The following TAOK1 variants were observed in gnomAD, a reference collection of about 807,000 sequenced individuals.
The protein encoded by TAOK1 is serine/threonine-protein kinase TAO1.
Under a neutral mutation model 138.3 loss-of-function variants are expected in TAOK1, and 21 were observed. The observed-to-expected ratio is 0.15, with a 90% CI of 0.11 to 0.22. The LOEUF is 0.22. Among genes scored for constraint, TAOK1 ranks in the 10% least tolerant of loss-of-function variants. The pLI is 1.00. For synonymous variants in TAOK1, 361 were observed against 398.4 expected (o/e 0.91, Z 1.12); for missense variants, 651 against 1,227.7 (o/e 0.53, Z 7.02).
chr17:29,401,067 A>G (rs1205409738), intron 1 of TAOK1, among the ~76,000 whole-genome samples: 1 of 151,420 alleles, frequency 6.6e-6, no homozygotes, highest in South Asian at 2.1e-4. Context: ...GCACCACCAC[A>G]CCCGGCTAAT....
At chr17:29,452,133 C>G (rs904086843) in intron 2 of TAOK1, among the ~76,000 whole-genome samples, 1 of 152,006 alleles carries the variant, frequency 6.6e-6, no homozygotes, top group African/African-American at 2.4e-5. Context: ...AGAGAATCAC[C>G]TGAGCCCAAG....
chr17:29,489,640 A>G (rs2031254450), intron 8 of TAOK1, 24 bp from the exon 9 acceptor site: 1 of 1,553,496 alleles, frequency 6.4e-7, no homozygotes, highest in Non-Finnish European at 8.8e-7. Context: ...CTATTTTAAC[A>G]GGAATGTTTC....
intron 8 of TAOK1, 103 bp from the exon 9 acceptor site, chr17:29,489,551 AGTTTAAGATT>A (rs1276336786): frequency 1.3e-5 from 9 of 674,704 alleles, no homozygotes; most frequent in Non-Finnish European, 1.9e-5. Context: ...TTTTTGTGTA[AGTTTAAGATT>A]GTTTCAAAAT....
chr17:29,494,057 C>T (rs554816880), intron 10 of TAOK1, among the ~76,000 whole-genome samples: 35 of 152,168 alleles, frequency 2.3e-4, no homozygotes, highest in African/African-American at 7.2e-4. Flanking sequence ...GCTGGGATTA[C>T]AGGCCTATGC....
chr17:29,396,846 G>C (rs1904618485), intron 1 of TAOK1, among the ~76,000 whole-genome samples: 2 of 151,882 alleles, frequency 1.3e-5, no homozygotes, highest in Admixed American at 1.3e-4. Context: ...CAAAAAATTA[G>C]CTGGGCGTGG....
At position 29,522,480 on chromosome 17, in the gene TAOK1, G is replaced by A. The variant is rs746040999; in HGVS notation, c.2109G>A (p.Lys703=). Residue 703 remains lysine, a synonymous_variant, in exon 17 of 20, where the codon AAG becomes AAA. Transcript: ENST00000261716. ...NKRRERELRR[K]HVMEVRQQPK... ...GAAGAGAACGAGAACTAAGACGAAA[G>A]CATGTCATGGAAGTTCGACAACAGC... 3.1e-6 allele frequency: 5 copies of A among 1,614,178 alleles called. No homozygotes were observed. The South Asian group carries it at 5.5e-5, about 18-fold the overall frequency.
intron 19 of TAOK1, among the ~76,000 whole-genome samples, chr17:29,537,421 C>T (rs1371705472): frequency 6.6e-6 from 1 of 151,966 alleles, no homozygotes; most frequent in Admixed American, 6.6e-5. Flanking sequence ...ACAATCTCAG[C>T]TCACTGCGTT....
rs964579161 is a variant in TAOK1, at chr17:29,549,453, A to G, written c.*6431A>G. The G allele has an allele frequency of 1.3e-5, 2 of 152,160 alleles. No individual in the cohort carries two copies. The highest frequency in any genetic ancestry group is 4.8e-5 in the African/African-American group (2 of 41,448). 9.4% of individuals were successfully genotyped at this position (152,160 alleles called of 1,614,324 possible). Reference sequence around the variant, plus strand: ...TTTGCATGGCTTGGCTTAGTATCCAAGGTATATTAGGGCCACTTGAAAGCA... The same window carrying G: ...TTTGCATGGCTTGGCTTAGTATCCAGGGTATATTAGGGCCACTTGAAAGCA... On this transcript the variant is annotated 3_prime_UTR_variant, in exon 20 of 20. Coordinates refer to ENST00000261716, the MANE Select transcript of TAOK1 (RefSeq NM_020791.4).
intron 1 of TAOK1, among the ~76,000 whole-genome samples, chr17:29,397,597 C>A (rs991587802): frequency 1.6e-5 from 1 of 64,362 alleles, no homozygotes; most frequent in Non-Finnish European, 2.5e-5. Flanking sequence ...AGTGAGATTC[C>A]GTCCCCCCCC....
At chr17:29,466,891 T>C (rs1457563434) in intron 2 of TAOK1, among the ~76,000 whole-genome samples, 4 of 152,202 alleles carry the variant, frequency 2.6e-5, no homozygotes, top group Non-Finnish European at 5.9e-5. Flanking sequence ...AATTTCTGTA[T>C]TTTTCTTCTC....
At chr17:29,458,414 C>T (rs776580006) in intron 2 of TAOK1, among the ~76,000 whole-genome samples, 3 of 152,222 alleles carry the variant, frequency 2.0e-5, no homozygotes, top group Non-Finnish European at 2.9e-5. Flanking sequence ...TGCTCTTTAT[C>T]GTCTCCAACA....
At chr17:29,500,611 C>T (rs2031505613) in intron 12 of TAOK1, among the ~76,000 whole-genome samples, 1 of 151,802 alleles carries the variant, frequency 6.6e-6, no homozygotes, top group Admixed American at 6.6e-5. Context: ...TGTGGTGGCA[C>T]ACACCTGTAA....
chr17:29,522,145 C>T, intron 16 of TAOK1, 135 bp from the exon 17 acceptor site: 1 of 1,169,432 alleles, frequency 8.6e-7, no homozygotes, highest in Non-Finnish European at 1.2e-6. Flanking sequence ...AGTCACAACC[C>T]TCTTATTTAC....
chr17:29,398,331 CA>C (rs1293118593), intron 1 of TAOK1, among the ~76,000 whole-genome samples: 1 of 151,526 alleles, frequency 6.6e-6, no homozygotes, highest in East Asian at 1.9e-4. Context: ...CTCAGCCTCC[CA>C]ACAGCTGGGA....
chr17:29,465,745 A>G (rs1275175852), intron 2 of TAOK1, among the ~76,000 whole-genome samples: 1 of 140,692 alleles, frequency 7.1e-6, no homozygotes, highest in Non-Finnish European at 1.5e-5. Flanking sequence ...TTTCACAGCT[A>G]TTGCCTTGTA....
intron 2 of TAOK1, among the ~76,000 whole-genome samples, chr17:29,458,036 G>T (rs2030435581): frequency 6.6e-6 from 1 of 152,012 alleles, no homozygotes; most frequent in African/African-American, 2.4e-5. Flanking sequence ...CGTGAACCCG[G>T]GAGGTGGAGC....
intron 19 of TAOK1, among the ~76,000 whole-genome samples, chr17:29,538,248 A>C (rs1325443622): frequency 6.6e-6 from 1 of 152,196 alleles, no homozygotes; most frequent in Non-Finnish European, 1.5e-5. Context: ...TAAAAGACAA[A>C]TCCTACTTGA....
chr17:29,397,627 T>TATTCATGTATG (rs1904664150), intron 1 of TAOK1, among the ~76,000 whole-genome samples: 1 of 44,746 alleles, frequency 2.2e-5, no homozygotes, highest in Non-Finnish European at 3.8e-5. Context: ...TATATATATA[T>TATTCATGTATG]ATACATGTAT....
At position 29,550,959 on chromosome 17, in the gene TAOK1, A is replaced by C. The variant is rs562548559; in HGVS notation, c.*7937A>C. 1 of 151,982 alleles carries C rather than the reference A, an allele frequency of 6.6e-6. No individual in the cohort carries two copies. Among genetic ancestry groups the C allele is most frequent in the African/African-American group, 2.4e-5 (1 of 41,208 alleles). 9.4% of individuals were successfully genotyped at this position (151,982 alleles called of 1,614,324 possible). A position where few individuals can be genotyped will look rare whatever the true frequency, so the allele number is the denominator to read the frequency against. ...GTTGGTTTTTATTTTTATTTTTGCT[A>C]TTTACCTAAAAAAAGAAAATGCTTC... is the stretch of plus-strand genomic sequence containing the variant. On this transcript the variant is annotated 3_prime_UTR_variant, in exon 20 of 20. Coordinates refer to ENST00000261716, the MANE Select transcript of TAOK1 (RefSeq NM_020791.4).
Sources: gnomAD v4.1 joint callset for allele counts (sites outside exome capture counted in the v4.1 genomes callset) on GRCh38, gnomAD v4.1.1 for gene constraint, MANE v1.5 for transcripts, NCBI Gene and HGNC (gene_info 2026-07-23, HGNC 2026-07-21) for gene names.